Variants in SENP8 observed in about 807,000 individuals in gnomAD.
SENP8 encodes sentrin-specific protease 8.
SENP8 carries 10 observed loss-of-function variants against 14.4 expected under a neutral mutation model. The observed-to-expected ratio is 0.69, with a 90% confidence interval of 0.43 to 1.18. The LOEUF is 1.18. Ranked by LOEUF, SENP8 falls within the 50% of genes most tolerant of loss-of-function variation. The pLI is 0.00. For missense variants in SENP8, 202 were observed against 249.4 expected (o/e 0.81, Z 1.28); for synonymous variants, 94 against 95.5 (o/e 0.98, Z 0.09).
chr15:72,131,122 T>G (rs1363183882), intron 1 of SENP8, among the ~76,000 whole-genome samples: 1 of 152,186 alleles, frequency 6.6e-6, no homozygotes, highest in Non-Finnish European at 1.5e-5. Flanking sequence ...AGGATGGCCT[T>G]GAGCCCAAGA....
intron 1 of SENP8, among the ~76,000 whole-genome samples, chr15:72,122,094 T>C (rs1022408155): frequency 6.6e-6 from 1 of 152,216 alleles, no homozygotes; most frequent in African/African-American, 2.4e-5. Context: ...CCTCTCTTTT[T>C]GCCAATTCCT....
At chr15:72,133,674 T>C (rs1242109946) in intron 1 of SENP8, among the ~76,000 whole-genome samples, 1 of 152,246 alleles carries the variant, frequency 6.6e-6, no homozygotes, top group African/African-American at 2.4e-5. Flanking sequence ...TCTTTGTATC[T>C]CCCATAGCAT....
At chr15:72,123,800 A>G (rs765805047) in intron 1 of SENP8, among the ~76,000 whole-genome samples, 2 of 152,210 alleles carry the variant, frequency 1.3e-5, no homozygotes, top group Non-Finnish European at 2.9e-5. Flanking sequence ...TTGGCCTCCC[A>G]AAGTGCTGGG....
intron 1 of SENP8, among the ~76,000 whole-genome samples, chr15:72,138,240 G>A (rs1047368061): frequency 1.3e-5 from 2 of 151,794 alleles, no homozygotes; most frequent in African/African-American, 2.4e-5. Flanking sequence ...CTAACTAATC[G>A]TTTACATGTA....
At chr15:72,124,340 G>T (rs1056948605) in intron 1 of SENP8, among the ~76,000 whole-genome samples, 5 of 152,116 alleles carry the variant, frequency 3.3e-5, no homozygotes, top group African/African-American at 1.2e-4. Flanking sequence ...AATAAATCTT[G>T]ATGGTCATTC....
At chr15:72,137,055 T>A (rs2081334301) in intron 1 of SENP8, among the ~76,000 whole-genome samples, 1 of 152,196 alleles carries the variant, frequency 6.6e-6, no homozygotes, top group South Asian at 2.1e-4. Context: ...GATATTTGTT[T>A]TCAAACCTCA....
At chr15:72,115,015 T>TA (rs886782348), upstream of SENP8, among the ~76,000 whole-genome samples, 6 of 152,172 alleles carry the variant, frequency 3.9e-5, no homozygotes, top group East Asian at 1.9e-4. Flanking sequence ...AGGTACTTGT[T>TA]AAAAAAAATC....
chr15:72,127,907 A>G (rs973452448), intron 1 of SENP8, among the ~76,000 whole-genome samples: 14 of 152,152 alleles, frequency 9.2e-5, no homozygotes, highest in African/African-American at 3.4e-4. Context: ...TGGGCAACAT[A>G]GTGAGACCCT....
upstream of SENP8, among the ~76,000 whole-genome samples, chr15:72,114,947 C>T (rs2080916385): frequency 6.6e-6 from 1 of 152,132 alleles, no homozygotes. Context: ...AACAAACTTC[C>T]ACATAGTATA....
chr15:72,132,908 T>C (rs183622027), intron 1 of SENP8, among the ~76,000 whole-genome samples: 1 of 152,164 alleles, frequency 6.6e-6, no homozygotes, highest in Non-Finnish European at 1.5e-5. Context: ...CAGTGGCTCA[T>C]GCCTGTAATC....
chr15:72,122,109 C>T (rs1371674241), intron 1 of SENP8, among the ~76,000 whole-genome samples: 4 of 152,064 alleles, frequency 2.6e-5, no homozygotes, highest in Non-Finnish European at 5.9e-5. Context: ...ATTCCTTAAA[C>T]TTCTTGGATG....
intron 1 of SENP8, among the ~76,000 whole-genome samples, chr15:72,126,061 G>T (rs961093883): frequency 2.6e-5 from 4 of 152,076 alleles, no homozygotes; most frequent in Non-Finnish European, 5.9e-5. Context: ...GACCTCAGGT[G>T]ATCTGCCTGC....
intron 1 of SENP8, among the ~76,000 whole-genome samples, chr15:72,124,176 A>C (rs2081192494): frequency 6.6e-6 from 1 of 152,202 alleles, no homozygotes; most frequent in African/African-American, 2.4e-5. Context: ...TACATTTATA[A>C]CTGTGTTGTG....
chr15:72,115,116 C>A (rs2080923983), upstream of SENP8, among the ~76,000 whole-genome samples: 1 of 152,230 alleles, frequency 6.6e-6, no homozygotes. Flanking sequence ...GATAGTGAAT[C>A]TCACTGTTAA....
At chr15:72,132,562 C>G (rs973215462) in intron 1 of SENP8, among the ~76,000 whole-genome samples, 1 of 151,220 alleles carries the variant, frequency 6.6e-6, no homozygotes, top group African/African-American at 2.4e-5. Context: ...TGCTAGGTCC[C>G]CTTCCATCTC....
chr15:72,115,124 T>C (rs533591372), upstream of SENP8, among the ~76,000 whole-genome samples: 1 of 152,384 alleles, frequency 6.6e-6, no homozygotes, highest in African/African-American at 2.4e-5. Flanking sequence ...ATCTCACTGT[T>C]AATGCTTAAA....
chr15:72,123,198 T>C (rs1174081247), intron 1 of SENP8, among the ~76,000 whole-genome samples: 1 of 152,248 alleles, frequency 6.6e-6, no homozygotes, highest in Non-Finnish European at 1.5e-5. Flanking sequence ...TTTTGTGTTC[T>C]TTCAAATAGT....
chr15:72,117,891 G>C, upstream of SENP8: 1 of 398,534 alleles, frequency 2.5e-6, no homozygotes, highest in Non-Finnish European at 4.4e-6. Flanking sequence ...CGCCCGGCCT[G>C]AGCAGGCACA....
Position 72,142,480 on chromosome 15 carries a change from A to G in SENP8, c.*2218A>G, listed in dbSNP as rs1403404482. ...TCAAAAGGATCTATTCTGCAAAATT[A>G]ATCAAAATATTCAAAAGGAAGGCAG... On this transcript the variant is annotated 3_prime_UTR_variant, in exon 2 of 2. Coordinates refer to ENST00000340912, the MANE Select transcript of SENP8 (RefSeq NM_145204.4). 6.6e-6 allele frequency: 1 copy of G among 152,232 alleles called. No individual in the cohort carries two copies. The highest frequency in any genetic ancestry group is 6.5e-5 in the Admixed American group (1 of 15,284). 9.4% of individuals were successfully genotyped at this position (152,232 alleles called of 1,614,324 possible).
Sources: gnomAD v4.1 joint callset for allele counts (sites outside exome capture counted in the v4.1 genomes callset) on GRCh38, gnomAD v4.1.1 for gene constraint, MANE v1.5 for transcripts, NCBI Gene and HGNC (gene_info 2026-07-23, HGNC 2026-07-21) for gene names.